The following RAD54L2 variants were observed in gnomAD, a reference collection of about 807,000 sequenced individuals.
RAD54L2 encodes the protein helicase ARIP4.
In RAD54L2, 27 loss-of-function variants were observed where a neutral mutation model predicts 138.4. That is an observed-to-expected ratio of 0.20 (90% CI 0.14 to 0.27). The LOEUF is 0.27. RAD54L2 is among the 10% of genes least tolerant of loss of function. RAD54L2 has a pLI of 1.00. For missense variants in RAD54L2, 1,396 were observed against 1,890.2 expected (o/e 0.74, Z 4.85); for synonymous variants, 644 against 723.2 (o/e 0.89, Z 1.76).
intron 3 of RAD54L2, among the ~76,000 whole-genome samples, chr3:51,627,003 A>G (rs1700708747): frequency 6.6e-6 from 1 of 152,200 alleles, no homozygotes; most frequent in Non-Finnish European, 1.5e-5. Flanking sequence ...CTTGAAGGGA[A>G]GGAGTCTTAC....
chr3:51,581,919 C>T lies in RAD54L2; in HGVS notation c.-54-8448C>T, dbSNP rs192005356. 4.9e-3 allele frequency among the ~76,000 whole-genome samples: 748 copies of T among 151,678 alleles called. 6 individuals are homozygous for T. The highest frequency in any genetic ancestry group is 0.017 in the African/African-American group (688 of 41,392). On this transcript the variant is annotated intron_variant, in intron 2 of 22. Transcript: ENST00000684192. ...GTGGGTTCTTGTTTCTGTAGTCTCCCTTCTCTTTTCTTTTTTTTTTTTTTG... is the reference window on the plus strand; with the variant it reads ...GTGGGTTCTTGTTTCTGTAGTCTCCTTTCTCTTTTCTTTTTTTTTTTTTTG...
intron 16 of RAD54L2, 47 bp from the exon 17 acceptor site, chr3:51,644,977 C>T: frequency 1.2e-6 from 2 of 1,605,136 alleles, no homozygotes; most frequent in Admixed American, 1.7e-5. Flanking sequence ...ATTTGAAAAC[C>T]TTTTTTAAGA....
intron 2 of RAD54L2, among the ~76,000 whole-genome samples, chr3:51,555,146 C>T (rs1456640892): frequency 6.6e-5 from 10 of 152,098 alleles, no homozygotes; most frequent in Non-Finnish European, 1.3e-4. Flanking sequence ...TGGCCCCAGA[C>T]ACTCCTTTCT....
Position 51,646,309 on chromosome 3 carries a change from C to T in RAD54L2, c.2854C>T (p.Leu952Phe). 6.3e-7 allele frequency: 1 copy of T among 1,596,156 alleles called. No individual in the cohort carries two copies. Among genetic ancestry groups the T allele is most frequent in the Non-Finnish European group, 8.5e-7 (1 of 1,171,584 alleles). ...TKEPFEHESLLLNRKDHKLTK... is the reference protein window; with the variant it reads ...TKEPFEHESLFLNRKDHKLTK... ...GGAGCCTTTCGAGCATGAGTCATTG[C>T]TCTTGAACCGAAAGGATCACAAGCT... Residue 952 changes from leucine (L) to phenylalanine (F), a missense_variant, in exon 19 of 23, where the codon CTC (leucine) becomes TTC (phenylalanine). Leu to Phe is a conservative substitution (Grantham distance 22). Around this residue, in one of 7 missense-constraint regions of RAD54L2, gnomAD observed 634 missense variants for 711.2 expected, o/e 0.89. Coordinates refer to ENST00000684192, the MANE Select transcript of RAD54L2 (RefSeq NM_015106.4).
chr3:51,657,595 G>C lies in RAD54L2; in HGVS notation c.3242G>C (p.Gly1081Ala). ...VVTTTDIVIPGLNSSTDVQAR... is the reference protein window; with the variant it reads ...VVTTTDIVIPALNSSTDVQAR... ...TTTTTCCTAGATATTGTTATTCCTG[G>C]ACTCAACAGCTCCACAGATGTACAG... Residue 1081 changes from glycine (G) to alanine (A), a missense_variant, in exon 21 of 23, where the codon GGA becomes GCA. This residue lies in a region of RAD54L2 where 634 missense variants were observed against 711.2 expected (regional missense o/e 0.89). Coordinates refer to ENST00000684192, the MANE Select transcript of RAD54L2 (RefSeq NM_015106.4). The C allele has an allele frequency of 1.3e-6, 2 of 1,574,760 alleles. No homozygotes were observed. Among genetic ancestry groups the C allele is most frequent in the Non-Finnish European group, 1.7e-6 (2 of 1,155,696 alleles).
chr3:51,653,083 GA>G (rs1294288777), intron 19 of RAD54L2, among the ~76,000 whole-genome samples: 3 of 151,994 alleles, frequency 2.0e-5, no homozygotes, highest in Non-Finnish European at 2.9e-5. Flanking sequence ...AAATTTACAA[GA>G]AAAAATCAAA....
intron 2 of RAD54L2, among the ~76,000 whole-genome samples, chr3:51,556,979 T>C (rs1360063344): frequency 6.6e-6 from 1 of 152,168 alleles, no homozygotes; most frequent in East Asian, 1.9e-4. Flanking sequence ...ATTCTTTTCC[T>C]GATGTTTATT....
intron 16 of RAD54L2, 66 bp from the exon 17 acceptor site, chr3:51,644,958 G>A (rs1028043569): frequency 3.2e-6 from 5 of 1,553,052 alleles, no homozygotes; most frequent in Admixed American, 3.4e-5. Context: ...GTCACAGAGG[G>A]CAAAACTGAT....
chr3:51,605,089 ATT>A (rs35877053), intron 3 of RAD54L2, among the ~76,000 whole-genome samples: 12 of 123,090 alleles, frequency 9.7e-5, no homozygotes, highest in Admixed American at 1.7e-4. Flanking sequence ...TACCTGGCTA[ATT>A]TTTTTTTTTT....
chr3:51,582,789 C>T (rs1046523909), intron 2 of RAD54L2, among the ~76,000 whole-genome samples: 7 of 149,598 alleles, frequency 4.7e-5, no homozygotes, highest in East Asian at 3.9e-4. Flanking sequence ...GACGGAGTCT[C>T]GCTCTGTCGC....
At chr3:51,543,733 C>G (rs186711972) in intron 2 of RAD54L2, among the ~76,000 whole-genome samples, 1 of 152,064 alleles carries the variant, frequency 6.6e-6, no homozygotes, top group East Asian at 1.9e-4. Flanking sequence ...ATCTTCCTTT[C>G]TAGTTTTTCC....
At chr3:51,659,854 A>C (rs933481740) in intron 21 of RAD54L2, among the ~76,000 whole-genome samples, 172 bp from the exon 22 acceptor site, 5 of 152,216 alleles carry the variant, frequency 3.3e-5, no homozygotes, top group Admixed American at 3.3e-4. Context: ...GAAATAAATG[A>C]ATAATTATGA....
At chr3:51,650,258 C>A (rs1427517426) in intron 19 of RAD54L2, among the ~76,000 whole-genome samples, 1 of 152,114 alleles carries the variant, frequency 6.6e-6, no homozygotes, top group African/African-American at 2.4e-5. Context: ...TATATGCACC[C>A]AATACAGGAG....
At chr3:51,628,269 T>C (rs1700741037) in intron 4 of RAD54L2, among the ~76,000 whole-genome samples, 1 of 152,046 alleles carries the variant, frequency 6.6e-6, no homozygotes, top group Admixed American at 6.6e-5. Flanking sequence ...AAGAAATGAA[T>C]GATATCTTTT....
chr3:51,564,830 A>G (rs1444790992), intron 2 of RAD54L2, among the ~76,000 whole-genome samples: 3 of 152,244 alleles, frequency 2.0e-5, no homozygotes, highest in Non-Finnish European at 2.9e-5. Context: ...TAATAGGGGA[A>G]AAAGTTAAGA....
Position 51,629,446 on chromosome 3 carries a change from C to T in RAD54L2, c.454C>T (p.Pro152Ser), listed in dbSNP as rs756168650. The change falls in exon 5 of 23, where the codon CCT becomes TCT. Residue 152 changes from proline to serine, a missense_variant. Around this residue, in one of 7 missense-constraint regions of RAD54L2, gnomAD observed 256 missense variants for 344.6 expected, o/e 0.74. Transcript: ENST00000684192. ...GAGGAAAGATTATGCAGCCCCTATT[C>T]CTACTGTTCCGCTGGAGTTCCTCCC... The part of the protein sequence containing the change: ...QQRKDYAAPI[P>S]TVPLEFLPEE... The T allele has an allele frequency of 9.9e-6, 16 of 1,612,496 alleles. No homozygotes were observed. The South Asian group carries it at 1.4e-4, about 14-fold the overall frequency.
intron 3 of RAD54L2, among the ~76,000 whole-genome samples, chr3:51,597,515 A>C (rs753381481): frequency 3.9e-5 from 6 of 152,112 alleles, no homozygotes; most frequent in Non-Finnish European, 8.8e-5. Flanking sequence ...CAAAATTCAC[A>C]TACGTTTTTT....
At position 51,646,332 on chromosome 3, in the gene RAD54L2, G is replaced by A; in HGVS notation, c.2877G>A (p.Lys959=). Residue 959 remains lysine, a synonymous_variant, in exon 19 of 23, where the codon AAG becomes AAA. Coordinates refer to ENST00000684192, the MANE Select transcript of RAD54L2 (RefSeq NM_015106.4). ...TGCTCTTGAACCGAAAGGATCACAA[G>A]CTAACCAAGGCTGAGAAAAAAGCAG... The part of the protein sequence containing the change: ...ESLLLNRKDH[K]LTKAEKKAAK... The A allele has an allele frequency of 3.1e-6, 5 of 1,606,324 alleles. No homozygotes were observed. The highest frequency in any genetic ancestry group is 4.2e-6 in the Non-Finnish European group (5 of 1,176,554).
At chr3:51,626,710 G>A (rs183805886) in intron 3 of RAD54L2, among the ~76,000 whole-genome samples, 48 of 151,990 alleles carry the variant, frequency 3.2e-4, no homozygotes, top group Non-Finnish European at 6.3e-4. Context: ...CTATCAAAGA[G>A]TTGGGATTAC....
Sources: gnomAD v4.1 joint callset for allele counts (sites outside exome capture counted in the v4.1 genomes callset) on GRCh38, gnomAD v4.1.1 for gene constraint, gnomAD v4.1.1 regional missense constraint, MANE v1.5 for transcripts, NCBI Gene and HGNC (gene_info 2026-07-23, HGNC 2026-07-21) for gene names.